The following NBDY variants were observed in gnomAD, a reference collection of about 807,000 sequenced individuals.
The protein encoded by NBDY is negative regulator of P-body association, also known as P-body dissociating protein.
intron 2 of NBDY, among the ~76,000 whole-genome samples, chrX:56,797,477 A>G (rs1008898908): frequency 1.8e-4 from 20 of 110,105 alleles, no homozygotes; most frequent in African/African-American, 6.6e-4. Flanking sequence ...TTCTTAAAAG[A>G]ACAGCGATGA....
At chrX:56,786,338 G>A (rs1347158288) in intron 2 of NBDY, among the ~76,000 whole-genome samples, 2 of 111,386 alleles carry the variant, frequency 1.8e-5, no homozygotes, top group East Asian at 5.7e-4. Flanking sequence ...GTCCTTTAAA[G>A]GGCTGTGACT....
At chrX:56,790,353 G>A (rs888740648) in intron 2 of NBDY, among the ~76,000 whole-genome samples, 3 of 111,899 alleles carry the variant, frequency 2.7e-5, no homozygotes, top group Non-Finnish European at 3.8e-5. Context: ...CACCCCATGG[G>A]TATTGATTCC....
chrX:56,792,597 A>G (rs1356504369), intron 2 of NBDY, among the ~76,000 whole-genome samples: 2 of 110,530 alleles, frequency 1.8e-5, no homozygotes, highest in Non-Finnish European at 3.8e-5. Flanking sequence ...GCCCAAGCAG[A>G]CACACACACA....
rs2069505121 is a variant in NBDY, at chrX:56,737,846, T to TTAAC, written c.*166+5648_*166+5651dup. On this transcript the variant is annotated intron_variant, in intron 2 of 2. Transcript: ENST00000374922. ...AATGTCCTTTACCCAGATTCACCAA[T>TTAAC]TAACATTTTATCACGTTTGCCTTAT... 1.8e-5 allele frequency among the ~76,000 whole-genome samples: 2 copies of TTAAC among 112,029 alleles called. 1 individual carries two copies. The highest frequency in any genetic ancestry group is 3.8e-5 in the Non-Finnish European group (2 of 53,202).
At chrX:56,803,546 T>A (rs1351834433) in intron 2 of NBDY, among the ~76,000 whole-genome samples, 3 of 111,460 alleles carry the variant, frequency 2.7e-5, no homozygotes, top group African/African-American at 9.8e-5. Flanking sequence ...TCCCTGGGCC[T>A]CTAGATTAGC....
In NBDY at chrX:56,747,780, G is replaced by A. The variant is rs2069564583; in HGVS notation, c.*166+15581G>A. On this transcript the variant is annotated intron_variant, in intron 2 of 2. Coordinates refer to ENST00000374922, the MANE Select transcript of NBDY (RefSeq NM_001348129.2). ...GAAAATCCCGACAAAAAGTGATGAA[G>A]GCTTGAACTCAGCCAATGGTAGTTG... 1.8e-5 allele frequency among the ~76,000 whole-genome samples: 2 copies of A among 111,787 alleles called. 1 individual carries two copies. Among genetic ancestry groups the A allele is most frequent in the African/African-American group, 6.5e-5 (2 of 30,752 alleles).
intron 2 of NBDY, among the ~76,000 whole-genome samples, chrX:56,787,173 C>G (rs191136271): frequency 2.7e-5 from 3 of 111,184 alleles, no homozygotes; most frequent in African/African-American, 9.8e-5. Context: ...TAGGCACCCA[C>G]AGACCACAGA....
rs559286953 is a variant in NBDY at position 56,788,845 on chromosome X, C to T, written c.*167-28475C>T. On this transcript the variant is annotated intron_variant, in intron 2 of 2. Coordinates refer to ENST00000374922, the MANE Select transcript of NBDY (RefSeq NM_001348129.2). ...GCCTGGCTGCCCTGTGTCAGGGCCTCTAGAGTAACTGCTTCTCCAAGGGGT... is the reference window on the plus strand; with the variant it reads ...GCCTGGCTGCCCTGTGTCAGGGCCTTTAGAGTAACTGCTTCTCCAAGGGGT... Among the ~76,000 whole-genome samples the T allele has an allele frequency of 2.0e-4, 23 of 112,488 alleles. No homozygotes were observed. In the South Asian group the frequency reaches 8.5e-3, roughly 42 times the overall value.
rs781148789 is a variant in NBDY, at chrX:56,782,687, T to C, written c.*167-34633T>C. 7.9e-4 allele frequency among the ~76,000 whole-genome samples: 89 copies of C among 111,958 alleles called. 1 individual carries two copies. The highest frequency in any genetic ancestry group is 2.7e-3 in the African/African-American group (83 of 30,668). On this transcript the variant is annotated intron_variant, in intron 2 of 2. Transcript: ENST00000374922. ...CACTAGGTGTGTAATCCTGAGCCAT[T>C]AGGAAGTTTGGCAAGTTGTCCCGTG...
At chrX:56,756,153 A>AG (rs1291250050) in intron 2 of NBDY, among the ~76,000 whole-genome samples, 1 of 39,814 alleles carries the variant, frequency 2.5e-5, no homozygotes, top group Non-Finnish European at 4.3e-5. Context: ...AGGTGGGGGG[A>AG]GGGGGGAGGG....
chrX:56,804,553 C>G (rs1185735949), intron 2 of NBDY, among the ~76,000 whole-genome samples: 1 of 112,428 alleles, frequency 8.9e-6, no homozygotes, highest in African/African-American at 3.2e-5. Context: ...TAGCCAGGCC[C>G]CAGCCATGCT....
chrX:56,800,061 T>C (rs1391774711), intron 2 of NBDY, among the ~76,000 whole-genome samples: 1 of 111,586 alleles, frequency 9.0e-6, no homozygotes, highest in Non-Finnish European at 1.9e-5. Flanking sequence ...TCTATGAATC[T>C]GCACAGGTCT....
At chrX:56,795,649 G>A (rs1452365559) in intron 2 of NBDY, among the ~76,000 whole-genome samples, 1 of 112,314 alleles carries the variant, frequency 8.9e-6, no homozygotes, top group African/African-American at 3.2e-5. Flanking sequence ...ACTCTCACAA[G>A]AGGAACGTCA....
chrX:56,767,609 C>A (rs960994153), intron 2 of NBDY, among the ~76,000 whole-genome samples: 1 of 113,522 alleles, frequency 8.8e-6, no homozygotes, highest in Admixed American at 9.2e-5. Context: ...CCTGCCTGCC[C>A]AGGGCAGTGA....
chrX:56,743,791 C>T (rs889617584), intron 2 of NBDY, among the ~76,000 whole-genome samples: 3 of 110,428 alleles, frequency 2.7e-5, no homozygotes, highest in African/African-American at 9.8e-5. Flanking sequence ...TTTATTTCGG[C>T]TCTGGTGTTT....
chrX:56,782,369 C>A (rs1414228410), intron 2 of NBDY, among the ~76,000 whole-genome samples: 1 of 109,756 alleles, frequency 9.1e-6, no homozygotes, highest in Non-Finnish European at 1.9e-5. Context: ...TTGTCTTTTG[C>A]TTTTGCCTCT....
chrX:56,767,376 G>C (rs942313776), intron 2 of NBDY, among the ~76,000 whole-genome samples: 1 of 113,256 alleles, frequency 8.8e-6, no homozygotes, highest in Non-Finnish European at 1.9e-5. Flanking sequence ...CTCGGCATTG[G>C]CGTCCACTCT....
At chrX:56,752,332 C>T (rs1266016840) in intron 2 of NBDY, among the ~76,000 whole-genome samples, 1 of 112,032 alleles carries the variant, frequency 8.9e-6, no homozygotes, top group African/African-American at 3.2e-5. Flanking sequence ...GCAATGTATA[C>T]GTGTTCCCAT....
intron 2 of NBDY, among the ~76,000 whole-genome samples, chrX:56,814,313 T>C (rs1247737491): frequency 2.7e-5 from 3 of 110,757 alleles, no homozygotes; most frequent in Non-Finnish European, 5.7e-5. Flanking sequence ...CCATTTATTT[T>C]ACTCTGTAAC....
Sources: gnomAD v4.1 joint callset for allele counts (sites outside exome capture counted in the v4.1 genomes callset) on GRCh38, gnomAD v4.1.1 for gene constraint, MANE v1.5 for transcripts, NCBI Gene and HGNC (gene_info 2026-07-23, HGNC 2026-07-21) for gene names.